Variants in CNTN3 observed in about 807,000 individuals in gnomAD.
The protein encoded by CNTN3 is contactin-3.
A neutral mutation model predicts 119.1 loss-of-function variants in CNTN3; 60 were observed. The observed-to-expected ratio is 0.50, with a 90% CI of 0.41 to 0.62. The LOEUF (loss-of-function observed/expected upper bound fraction) is 0.62, where lower values mean the gene tolerates loss of function less well. CNTN3 is among the 20% of genes least tolerant of loss of function. The probability of loss-of-function intolerance (pLI) is 0.00; values close to 1 mark genes in which losing one functional copy is unlikely to be tolerated. For missense variants in CNTN3, 1,101 were observed against 1,242.4 expected, an observed-to-expected ratio of 0.89 and a Z score of 1.71; for synonymous variants, 450 against 438.7, an observed-to-expected ratio of 1.03 and a Z score of -0.32.
chr3:74,527,063 T>G (rs1460196154), intron 1 of CNTN3, among the ~76,000 whole-genome samples: 2 of 151,934 alleles, frequency 1.3e-5, no homozygotes, highest in African/African-American at 4.8e-5. Context: ...AGGAATCATA[T>G]GTATATATGT....
intron 4 of CNTN3, among the ~76,000 whole-genome samples, chr3:74,443,385 G>A (rs529458818): frequency 1.4e-4 from 21 of 152,198 alleles, no homozygotes; most frequent in Admixed American, 2.6e-4. Context: ...CTGTCCTCCT[G>A]ACCAGTCTCA....
intron 3 of CNTN3, among the ~76,000 whole-genome samples, chr3:74,496,614 T>C (rs1192636636): frequency 3.3e-5 from 5 of 152,050 alleles, no homozygotes; most frequent in African/African-American, 1.2e-4. Flanking sequence ...TGGTCTTTCA[T>C]CTTAGCATTA....
At chr3:74,288,160 T>C (rs1305508389) in intron 19 of CNTN3, among the ~76,000 whole-genome samples, 2 of 68,122 alleles carry the variant, frequency 2.9e-5, no homozygotes, top group South Asian at 4.4e-4. Context: ...TTTTCTTTTC[T>C]TTTTTTTTTT....
At chr3:74,385,446 GT>G (rs11293967) in intron 5 of CNTN3, among the ~76,000 whole-genome samples, 152,182 of 152,372 alleles carry the variant, frequency 1, 75,996 homozygotes, top group Non-Finnish European at 1. Flanking sequence ...ACACAAAAGT[GT>G]TTTGACTATT....
At position 74,266,494 on chromosome 3, in the gene CNTN3, A is replaced by C. The variant is rs781019416; in HGVS notation, c.2973T>G (p.Ile991Met). 1 of 1,612,584 alleles carries C rather than the reference A, an allele frequency of 6.2e-7. No homozygotes were observed. Among genetic ancestry groups the C allele is most frequent in the Non-Finnish European group, 8.5e-7 (1 of 1,179,104 alleles). Residue 991 changes from isoleucine to methionine, a missense_variant, in exon 22 of 23, where the codon ATT (isoleucine) becomes ATG (methionine). Ile to Met is a conservative substitution (Grantham distance 10). Transcript: ENST00000263665. ...CAACCAACTTACTGGTTATTCGTGGAATCCTGATCTGTTCACTACTGGTCC... is the reference window on the plus strand; with the variant it reads ...CAACCAACTTACTGGTTATTCGTGGCATCCTGATCTGTTCACTACTGGTCC... ...GDGTSSEQIR[I>M]PRITSMDARG...
chr3:74,326,013 A>T (rs946672402), intron 13 of CNTN3, among the ~76,000 whole-genome samples: 6 of 152,160 alleles, frequency 3.9e-5, no homozygotes, highest in African/African-American at 1.4e-4. Flanking sequence ...TTAAACTGAG[A>T]TCTGATTGGT....
intron 5 of CNTN3, among the ~76,000 whole-genome samples, chr3:74,402,249 T>A (rs1323016570): frequency 6.6e-6 from 1 of 152,162 alleles, no homozygotes; most frequent in African/African-American, 2.4e-5. Context: ...GTGAAAAATA[T>A]AGGAGCACTG....
intron 1 of CNTN3, among the ~76,000 whole-genome samples, chr3:74,594,819 G>A (rs1329324748): frequency 2.0e-5 from 3 of 151,736 alleles, no homozygotes; most frequent in Non-Finnish European, 4.4e-5. Flanking sequence ...CCCAGTAATG[G>A]GATGGCTGGG....
rs1701750082 is a variant in CNTN3, at chr3:74,270,464, G to T, written c.2705-3086C>A. ...ATCAGATCTGAATCTCACTCATGAT[G>T]AACATATAGTATGAGTTGAAGAAAA... On this transcript the variant is annotated intron_variant, in intron 20 of 22. Transcript: ENST00000263665. Among the ~76,000 whole-genome samples the T allele has an allele frequency of 3.9e-5, 6 of 152,242 alleles. No homozygotes were observed. The South Asian group carries it at 1.0e-3, about 26-fold the overall frequency.
intron 5 of CNTN3, among the ~76,000 whole-genome samples, chr3:74,377,720 G>C (rs1294477601): frequency 1.3e-5 from 2 of 152,180 alleles, no homozygotes; most frequent in East Asian, 3.9e-4. Context: ...GCCAATCAAA[G>C]CTATAAATTT....
At chr3:74,270,602 A>G (rs566175571) in intron 20 of CNTN3, among the ~76,000 whole-genome samples, 2 of 152,306 alleles carry the variant, frequency 1.3e-5, no homozygotes, top group East Asian at 1.9e-4. Flanking sequence ...AAGCAACACA[A>G]TGAACTTTTG....
chr3:74,420,069 C>T (rs1026687748), intron 5 of CNTN3, among the ~76,000 whole-genome samples: 2 of 152,112 alleles, frequency 1.3e-5, no homozygotes, highest in African/African-American at 4.8e-5. Flanking sequence ...AGGTTAATTC[C>T]TCTTGCTTCA....
At position 74,424,897 on chromosome 3, in the gene CNTN3, C is replaced by G; in HGVS notation, c.402G>C (p.Val134=). The change falls in exon 5 of 23, where the codon GTG becomes GTC. Residue 134 remains valine (V), a synonymous_variant. Transcript: ENST00000263665. ...GCAGCACAACTCCCTGGCCTTCACG[C>G]ACAGACACTGTACTCCTCATTTTGG... ...FKTKMRSTVS[V]REGQGVVLLC... The G allele has an allele frequency of 1.2e-6, 2 of 1,613,600 alleles. No individual in the cohort carries two copies. Among genetic ancestry groups the G allele is most frequent in the South Asian group, 2.2e-5 (2 of 91,006 alleles).
Position 74,334,652 on chromosome 3 carries a change from G to T in CNTN3, c.1668+83C>A, listed in dbSNP as rs1009112981. 8.1e-6 allele frequency: 10 copies of T among 1,228,674 alleles called. No homozygotes were observed. The African/African-American group carries it at 1.2e-4, about 15-fold the overall frequency. 76.1% of individuals were successfully genotyped at this position (1,228,674 alleles called of 1,614,324 possible). ...ATTTAGAAAACATTTCTAGAGCATT[G>T]TCTATATGTCAGACAGTTTTCAGAA... is the stretch of plus-strand genomic sequence containing the variant. On this transcript the variant is annotated intron_variant, in intron 13 of 22. Transcript: ENST00000263665.
chr3:74,576,358 T>C (rs1704416824), intron 1 of CNTN3, among the ~76,000 whole-genome samples: 1 of 152,114 alleles, frequency 6.6e-6, no homozygotes, highest in Non-Finnish European at 1.5e-5. Context: ...TCCTTCCCAC[T>C]TAAGAATAAA....
At chr3:74,453,835 T>A (rs983937615) in intron 4 of CNTN3, among the ~76,000 whole-genome samples, 1 of 152,054 alleles carries the variant, frequency 6.6e-6, no homozygotes, top group Non-Finnish European at 1.5e-5. Flanking sequence ...TTTGAGTGAG[T>A]TTCTTAATCT....
At chr3:74,399,442 G>T (rs1325763711) in intron 5 of CNTN3, among the ~76,000 whole-genome samples, 1 of 152,116 alleles carries the variant, frequency 6.6e-6, no homozygotes, top group Non-Finnish European at 1.5e-5. Flanking sequence ...ATGGCCTCCA[G>T]CTGCATCCAT....
chr3:74,414,202 T>C (rs1321380883), intron 5 of CNTN3, among the ~76,000 whole-genome samples: 1 of 152,180 alleles, frequency 6.6e-6, no homozygotes, highest in Non-Finnish European at 1.5e-5. Context: ...AAAAGTTTTT[T>C]TAAAATTATC....
chr3:74,296,656 A>G (rs960557831), intron 18 of CNTN3, among the ~76,000 whole-genome samples: 2 of 152,176 alleles, frequency 1.3e-5, no homozygotes, highest in Admixed American at 6.5e-5. Flanking sequence ...ATATTTCGTG[A>G]GCTCAGAATG....
Sources: gnomAD v4.1 joint callset for allele counts (sites outside exome capture counted in the v4.1 genomes callset) on GRCh38, gnomAD v4.1.1 for gene constraint, MANE v1.5 for transcripts, NCBI Gene and HGNC (gene_info 2026-07-23, HGNC 2026-07-21) for gene names.